Variants in INF2 observed in about 807,000 individuals in gnomAD.
INF2 encodes inverted formin 2.
A neutral mutation model predicts 123.5 loss-of-function variants in INF2; 43 were observed. That is an observed-to-expected ratio of 0.35 (90% CI 0.27 to 0.45). The LOEUF (loss-of-function observed/expected upper bound fraction) is 0.45. Among genes scored for constraint, INF2 ranks in the 20% least tolerant of loss-of-function variants. The pLI is 1.00. For synonymous variants in INF2, 851 were observed against 745.0 expected (o/e 1.14, Z -2.32); for missense variants, 1,453 against 1,682.7 (o/e 0.86, Z 2.39).
intron 1 of INF2, among the ~76,000 whole-genome samples, chr14:104,700,005 C>T (rs1448449888): frequency 1.3e-5 from 2 of 152,128 alleles, no homozygotes; most frequent in Non-Finnish European, 2.9e-5. Flanking sequence ...GGTCGTGGAC[C>T]AGGCTGGGGA....
rs1289064465 is a variant in INF2 at position 104,710,843 on chromosome 14, G to A, written c.2240-94G>A. ...TGAGCCTGGGGAGGAGCCAGGGAGT[G>A]CAGGGGCACTGGCAAGCAGGACCAC... On this transcript the variant is annotated intron_variant, in intron 13 of 22. Transcript: ENST00000392634. 4.6e-6 allele frequency: 5 copies of A among 1,078,570 alleles called. No individual in the cohort carries two copies. In the African/African-American group the frequency reaches 7.8e-5, roughly 17 times the overall value. The allele number at this position is 1,078,570 out of a possible 1,614,324, so 66.8% of individuals were successfully genotyped here. A position where few individuals can be genotyped will look rare whatever the true frequency, so the allele number is the denominator to read the frequency against.
Position 104,720,469 on chromosome 14 carries a change from C to CGTCGTT in INF2, c.*1676_*1677insGTCGTT, listed in dbSNP as rs1890511968. 4.4e-5 allele frequency: 2 copies of CGTCGTT among 45,424 alleles called. 1 individual carries two copies. The highest frequency in any genetic ancestry group is 7.1e-5 in the Non-Finnish European group (2 of 28,366). 2.8% of individuals were successfully genotyped at this position (45,424 alleles called of 1,614,324 possible). On this transcript the variant is annotated 3_prime_UTR_variant, in exon 23 of 23. Transcript: ENST00000392634. ...CTCGTGTGGATGCTGCTGTGGACGTCTGCGTCGTCCTCGTGTGGATGCTGC... is the reference window on the plus strand; with the variant it reads ...CTCGTGTGGATGCTGCTGTGGACGTCGTCGTTTGCGTCGTCCTCGTGTGGATGCTGC...
rs767075044 is a variant in INF2 at position 104,714,681 on chromosome 14, C to G, written c.3519C>G (p.Asp1173Glu). The change falls in exon 21 of 23, where the codon GAC (aspartate) becomes GAG (glutamate). Residue 1173 changes from aspartate (D) to glutamate (E), a missense_variant. Asp to Glu is a conservative substitution (Grantham distance 45). This residue lies in a region of INF2 where 344 missense variants were observed against 333.1 expected (regional missense o/e 1.03). Coordinates refer to ENST00000392634, the MANE Select transcript of INF2 (RefSeq NM_022489.4). The part of the protein sequence containing the change: ...PPAAGPGGDE[D>E]EDEEDTAPES... ...CAGCAGGCCCAGGTGGGGATGAGGA[C>G]GAGGACGAGGAGGACACGGCCCCAG... is the stretch of plus-strand genomic sequence containing the variant. 37 of 1,611,558 alleles carry G rather than the reference C, an allele frequency of 2.3e-5. 1 individual carries two copies. The highest frequency in any genetic ancestry group is 3.3e-4 in the Middle Eastern group (2 of 6,060).
intron 1 of INF2, among the ~76,000 whole-genome samples, chr14:104,698,720 T>C (rs953775176): frequency 1.3e-5 from 2 of 152,136 alleles, no homozygotes; most frequent in African/African-American, 2.4e-5. Flanking sequence ...CATTCTCCGG[T>C]GTAGAGCCTG....
Position 104,710,933 on chromosome 14 carries a change from G to A in INF2, c.2240-4G>A. 1.2e-6 allele frequency: 2 copies of A among 1,612,164 alleles called. No individual in the cohort carries two copies. The highest frequency in any genetic ancestry group is 1.7e-6 in the Non-Finnish European group (2 of 1,179,644). On this transcript the variant is annotated splice_region_variant and splice_polypyrimidine_tract_variant and intron_variant, in intron 13 of 22. Coordinates refer to ENST00000392634, the MANE Select transcript of INF2 (RefSeq NM_022489.4). ...CCCCTCTCCAGCCCTGGCTGCCCCTGCAGGCCTGCTCACCAGCCGCCAGCT... is the reference window on the plus strand; with the variant it reads ...CCCCTCTCCAGCCCTGGCTGCCCCTACAGGCCTGCTCACCAGCCGCCAGCT...
chr14:104,718,758 C>G (rs1387943275), intron 22 of INF2, 37 bp from the exon 23 acceptor site: 1 of 1,611,236 alleles, frequency 6.2e-7, no homozygotes, highest in South Asian at 1.1e-5. Context: ...CCCAGCAAAA[C>G]TGCTCCTAAT....
chr14:104,695,714 C>G (rs1889161580), intron 1 of INF2, among the ~76,000 whole-genome samples: 1 of 150,858 alleles, frequency 6.6e-6, no homozygotes. Context: ...GGAAGATGTA[C>G]CTTCCCCAGG....
intron 5 of INF2, among the ~76,000 whole-genome samples, chr14:104,705,586 C>T (rs1180902110): frequency 1.3e-5 from 2 of 152,190 alleles, no homozygotes; most frequent in African/African-American, 2.4e-5. Context: ...TCCTCCTGCT[C>T]AGGCCAGAGC....
chr14:104,707,303 G>C lies in INF2; in HGVS notation c.1036G>C (p.Gly346Arg). ...GGTTGAGCGGCTCCTGTCTGTCAAG[G>C]GGCGACCCAGACCGAGCCCCCTGGT... ...EVVERLLSVK[G>R]RPRPSPLVKA... Residue 346 changes from glycine to arginine, a missense_variant, in exon 8 of 23, where the codon GGG (glycine) becomes CGG (arginine). This residue lies in a region of INF2 where 374 missense variants were observed against 303.7 expected (regional missense o/e 1.23). Transcript: ENST00000392634. 1 of 1,608,028 alleles carries C rather than the reference G, an allele frequency of 6.2e-7. No homozygotes were observed. Among genetic ancestry groups the C allele is most frequent in the Non-Finnish European group, 8.5e-7 (1 of 1,177,990 alleles).
At position 104,684,099 on chromosome 14, in the gene INF2, A is replaced by G. The variant is rs1201992561; in HGVS notation, c.-104+2517A>G. On this transcript the variant is annotated intron_variant, in intron 1 of 2. Coordinates refer to the INF2 transcript ENST00000674723. The surrounding 1 kb of genome is among the most constrained non-coding windows in gnomAD (Gnocchi z 5.0). ...CTTCTTTAAGCAAAAGATGGCACGG[A>G]CCCCCGACATAAGACAGTTCAAAGC... The G allele has an allele frequency of 2.2e-6, 1 of 455,754 alleles. No individual in the cohort carries two copies. Among genetic ancestry groups the G allele is most frequent in the Non-Finnish European group, 4.4e-6 (1 of 226,738 alleles). 28.2% of individuals were successfully genotyped at this position (455,754 alleles called of 1,614,324 possible).
At position 104,711,201 on chromosome 14, in the gene INF2, C is replaced by A; in HGVS notation, c.2418+15C>A. On this transcript the variant is annotated intron_variant, in intron 15 of 22. Transcript: ENST00000392634. ...ACGTGCTGGAGGTGGGCCGTGGTGGCGGGGGCATAATGGGAGGGCTTCAAG... is the reference window on the plus strand; with the variant it reads ...ACGTGCTGGAGGTGGGCCGTGGTGGAGGGGGCATAATGGGAGGGCTTCAAG... 6.5e-7 allele frequency: 1 copy of A among 1,545,308 alleles called. No individual in the cohort carries two copies. Among genetic ancestry groups the A allele is most frequent in the Non-Finnish European group, 8.7e-7 (1 of 1,142,928 alleles).
Position 104,701,703 on chromosome 14 carries a change from A to G in INF2, c.338A>G (p.Gln113Arg), listed in dbSNP as rs1889511010. The part of the protein sequence containing the change: ...SCVRAVMNSR[Q>R]GIEYILSNQG... ...GTGCGCGCCGTCATGAACTCGCGGC[A>G]GGGCATCGAGTACATCCTCAGCAAC... Residue 113 changes from glutamine (Q) to arginine (R), a missense_variant, in exon 2 of 23, where the codon CAG (glutamine) becomes CGG (arginine). Physicochemically the swap from Gln to Arg is conservative, Grantham distance 43. Coordinates refer to ENST00000392634, the MANE Select transcript of INF2 (RefSeq NM_022489.4). 6.4e-7 allele frequency: 1 copy of G among 1,551,522 alleles called. No individual in the cohort carries two copies. Among genetic ancestry groups the G allele is most frequent in the Admixed American group, 1.9e-5 (1 of 53,396 alleles).
chr14:104,703,351 C>T lies in INF2; in HGVS notation c.564C>T (p.Ser188=), dbSNP rs746732992. 29 of 1,613,108 alleles carry T rather than the reference C, an allele frequency of 1.8e-5. No individual in the cohort carries two copies. Among genetic ancestry groups the T allele is most frequent in the South Asian group, 3.3e-5 (3 of 91,088 alleles). Residue 188 remains serine, a synonymous_variant, in exon 4 of 23, where the codon AGC becomes AGT. Transcript: ENST00000392634. ...FSIVMNELSG[S]DNVPYVVTLL... ...TTGTCATGAACGAGCTCTCCGGCAG[C>T]GACAACGTGCCCTACGTGGTCACCC... is the stretch of plus-strand genomic sequence containing the variant.
At chr14:104,682,766 T>G (rs1448927810) in intron 1 of INF2, among the ~76,000 whole-genome samples, 1 of 152,074 alleles carries the variant, frequency 6.6e-6, no homozygotes, top group African/African-American at 2.4e-5. Flanking sequence ...AGCCCTCACC[T>G]AGGGGAAGGG....
intron 22 of INF2, chr14:104,715,585 C>T (rs913648110): frequency 2.1e-5 from 13 of 607,178 alleles, no homozygotes; most frequent in Non-Finnish European, 3.2e-5. Flanking sequence ...GTGCTGGCCC[C>T]GGGCATGCGG....
rs979112556 is a variant in INF2, at chr14:104,709,444, T to C, written c.2052+61T>C. 9.3e-6 allele frequency: 13 copies of C among 1,390,474 alleles called. No homozygotes were observed. In the African/African-American group the frequency reaches 1.4e-4, roughly 15 times the overall value. 86.1% of individuals were successfully genotyped at this position (1,390,474 alleles called of 1,614,324 possible). ...GTGCCACCAACCAAGGGAGAGGCTG[T>C]CCCGGGGGCTCCCAGCAGGGAGACA... On this transcript the variant is annotated intron_variant, in intron 11 of 22. Coordinates refer to ENST00000392634, the MANE Select transcript of INF2 (RefSeq NM_022489.4).
chr14:104,707,571 C>A lies in INF2; in HGVS notation c.1304C>A (p.Ala435Asp). The A allele has an allele frequency of 2.7e-6, 3 of 1,118,786 alleles. No homozygotes were observed. The highest frequency in any genetic ancestry group is 3.5e-6 in the Non-Finnish European group (3 of 856,096). The allele number at this position is 1,118,786 out of a possible 1,614,324, so 69.3% of individuals were successfully genotyped here. A position where few individuals can be genotyped will look rare whatever the true frequency, so the allele number is the denominator to read the frequency against. The change falls in exon 8 of 23, where the codon GCC (alanine) becomes GAC (aspartate). Residue 435 changes from alanine (A) to aspartate (D), a missense_variant. Ala to Asp is a moderately radical substitution (Grantham distance 126, BLOSUM62 -2). Coordinates refer to ENST00000392634, the MANE Select transcript of INF2 (RefSeq NM_022489.4). ...PPPPLLPGSS[A>D]EPPPPPPPPP... ...CCACCCCTGCTCCCTGGTTCCAGTG[C>A]CGAGCCCCCTCCCCCTCCCCCACCA...
intron 6 of INF2, among the ~76,000 whole-genome samples, chr14:104,706,553 A>C (rs1027559546): frequency 1.3e-5 from 2 of 152,108 alleles, no homozygotes; most frequent in African/African-American, 2.4e-5. Flanking sequence ...TAAGAGGCTG[A>C]ATTCTCGTCA....
chr14:104,706,198 G>T (rs372724209), intron 6 of INF2, 22 bp downstream of exon 6: 2 of 1,548,556 alleles, frequency 1.3e-6, no homozygotes, highest in Admixed American at 1.9e-5. Context: ...GCTGCAGGGC[G>T]GAGGGCAGCC....
Sources: gnomAD v4.1 joint callset for allele counts (sites outside exome capture counted in the v4.1 genomes callset) on GRCh38, gnomAD v4.1.1 for gene constraint, gnomAD v4.1.1 regional missense constraint, Gnocchi (gnomAD v3.1) non-coding constraint, MANE v1.5 for transcripts, NCBI Gene and HGNC (gene_info 2026-07-23, HGNC 2026-07-21) for gene names.